The following SETBP1 variants were observed in gnomAD, a reference collection of about 807,000 sequenced individuals.
SETBP1 encodes SET-binding protein.
A neutral mutation model predicts 101.0 loss-of-function variants in SETBP1; 9 were observed. The observed-to-expected ratio is 0.09, with a 90% CI of 0.05 to 0.16. The LOEUF (loss-of-function observed/expected upper bound fraction) is 0.16. SETBP1 is among the 10% of genes least tolerant of loss of function. The pLI is 1.00. For missense variants in SETBP1, 1,858 were observed against 2,033.8 expected (o/e 0.91, Z 1.66); for synonymous variants, 818 against 788.5 (o/e 1.04, Z -0.63).
intron 3 of SETBP1, among the ~76,000 whole-genome samples, chr18:44,918,230 G>A (rs371492818): frequency 2.7e-4 from 41 of 152,304 alleles, no homozygotes; most frequent in African/African-American, 9.9e-4. Flanking sequence ...TTTTGGATCT[G>A]GTCACAATGC....
At chr18:44,846,467 G>A (rs567062510) in intron 2 of SETBP1, among the ~76,000 whole-genome samples, 16 of 152,264 alleles carry the variant, frequency 1.1e-4, no homozygotes, top group African/African-American at 3.4e-4. Context: ...CTGTTTCTAT[G>A]GATTTGCCTG....
chr18:44,911,670 A>T (rs1269659008), intron 3 of SETBP1, among the ~76,000 whole-genome samples: 2 of 152,204 alleles, frequency 1.3e-5, no homozygotes, highest in Admixed American at 1.3e-4. Context: ...CTACAGGTCT[A>T]GCCCTGCCAA....
At chr18:45,007,774 A>T (rs956827794) in intron 4 of SETBP1, among the ~76,000 whole-genome samples, 7 of 152,206 alleles carry the variant, frequency 4.6e-5, no homozygotes, top group African/African-American at 1.7e-4. Flanking sequence ...AGGCCAAACC[A>T]TTTCATGAAT....
At chr18:44,801,081 T>A (rs2071597352) in intron 2 of SETBP1, among the ~76,000 whole-genome samples, 1 of 151,896 alleles carries the variant, frequency 6.6e-6, no homozygotes. Context: ...AATTGAACAA[T>A]GAGAACACTT....
intron 4 of SETBP1, among the ~76,000 whole-genome samples, chr18:44,970,687 G>T (rs1361413253): frequency 6.6e-6 from 1 of 151,952 alleles, no homozygotes; most frequent in Non-Finnish European, 1.5e-5. Flanking sequence ...AAGTAGCTGG[G>T]ATTACAGGCA....
intron 2 of SETBP1, among the ~76,000 whole-genome samples, chr18:44,859,299 G>A (rs906584146): frequency 2.6e-5 from 4 of 152,132 alleles, no homozygotes; most frequent in African/African-American, 9.7e-5. Context: ...GGGCTGCATG[G>A]GGCTAATGGA....
At chr18:44,704,838 C>T (rs529185361) in intron 2 of SETBP1, among the ~76,000 whole-genome samples, 42 of 152,380 alleles carry the variant, frequency 2.8e-4, no homozygotes, top group African/African-American at 9.6e-4. Context: ...ACACCAGCAT[C>T]TAATCCTGAA....
intron 1 of SETBP1, among the ~76,000 whole-genome samples, chr18:44,698,481 G>A (rs567463351): frequency 2.0e-5 from 3 of 152,156 alleles, no homozygotes; most frequent in Admixed American, 6.5e-5. Flanking sequence ...ATACTTCCTA[G>A]CCAAACATCA....
chr18:44,788,618 T>C (rs2071297769), intron 2 of SETBP1, among the ~76,000 whole-genome samples: 2 of 152,276 alleles, frequency 1.3e-5, no homozygotes, highest in African/African-American at 4.8e-5. Context: ...TGGTGTTGTT[T>C]ATTCTGTTAC....
At chr18:44,736,548 G>T (rs947868271) in intron 2 of SETBP1, among the ~76,000 whole-genome samples, 1 of 152,146 alleles carries the variant, frequency 6.6e-6, no homozygotes, top group African/African-American at 2.4e-5. Context: ...AACCCACTGT[G>T]ATATTTCTCT....
chr18:44,755,674 C>A (rs1033660385), intron 2 of SETBP1, among the ~76,000 whole-genome samples: 1 of 152,062 alleles, frequency 6.6e-6, no homozygotes, highest in Non-Finnish European at 1.5e-5. Flanking sequence ...ACTACTAGTT[C>A]CCTGGGAGAC....
intron 2 of SETBP1, among the ~76,000 whole-genome samples, chr18:44,865,013 C>T (rs2069098618): frequency 6.6e-6 from 1 of 152,074 alleles, no homozygotes; most frequent in Non-Finnish European, 1.5e-5. Context: ...CTCCCCATGC[C>T]TCAATTTCCC....
At chr18:44,881,334 A>G (rs970648661) in intron 3 of SETBP1, among the ~76,000 whole-genome samples, 2 of 152,172 alleles carry the variant, frequency 1.3e-5, no homozygotes, top group Admixed American at 1.3e-4. Flanking sequence ...ACAATGACCT[A>G]AGGCAGGGGT....
At chr18:45,052,798 A>G (rs2073743639) in intron 5 of SETBP1, among the ~76,000 whole-genome samples, 1 of 152,224 alleles carries the variant, frequency 6.6e-6, no homozygotes, top group South Asian at 2.1e-4. Context: ...AAATGATAGC[A>G]TGGCTTTTAG....
At chr18:44,818,994 CTG>C (rs1389774703) in intron 2 of SETBP1, among the ~76,000 whole-genome samples, 6 of 92,784 alleles carry the variant, frequency 6.5e-5, no homozygotes, top group Admixed American at 1.1e-4. Context: ...GTGTGTGTGT[CTG>C]TGTGTGTGTG....
At chr18:44,722,583 C>T (rs1297428402) in intron 2 of SETBP1, among the ~76,000 whole-genome samples, 31 of 152,320 alleles carry the variant, frequency 2.0e-4, no homozygotes, top group Admixed American at 1.8e-3. Context: ...CAGCAGTATT[C>T]GGGTGCTGCA....
intron 2 of SETBP1, among the ~76,000 whole-genome samples, chr18:44,829,863 C>T (rs921955829): frequency 2.0e-5 from 3 of 152,198 alleles, no homozygotes; most frequent in Admixed American, 6.5e-5. Flanking sequence ...TACGTATCCA[C>T]ATTATTTACC....
At chr18:44,787,996 ATTGGAGTTTTTT>A (rs2071281666) in intron 2 of SETBP1, among the ~76,000 whole-genome samples, 1 of 149,810 alleles carries the variant, frequency 6.7e-6, no homozygotes, top group Admixed American at 6.7e-5. Flanking sequence ...ACATTAGTTT[ATTGGAGTTTTTT>A]TTTTTTCTTC....
At chr18:45,049,851 G>A (rs1337641272) in intron 5 of SETBP1, among the ~76,000 whole-genome samples, 1 of 152,140 alleles carries the variant, frequency 6.6e-6, no homozygotes, top group African/African-American at 2.4e-5. Context: ...GTGAAATTCA[G>A]AGAAATTTGG....
Sources: allele counts gnomAD v4.1 joint callset (sites outside exome capture counted in the v4.1 genomes callset), GRCh38; gene constraint gnomAD v4.1.1; transcripts MANE v1.5; gene names NCBI Gene and HGNC (gene_info 2026-07-23, HGNC 2026-07-21).